Variants in CCDC88C observed in about 807,000 individuals in gnomAD.
CCDC88C encodes coiled-coil and HOOK domain protein 88C.
In CCDC88C, 131 loss-of-function variants were observed where a neutral mutation model predicts 198.8. The ratio of observed to expected loss-of-function variants is 0.66; its 90% CI spans 0.57 to 0.76. The LOEUF is 0.76. CCDC88C is among the 30% of genes least tolerant of loss of function. The probability of loss-of-function intolerance (pLI) is 0.00; values close to 1 mark genes in which losing one functional copy is unlikely to be tolerated. For missense variants in CCDC88C, 2,553 were observed against 2,631.6 expected, an observed-to-expected ratio of 0.97 and a Z score of 0.65; for synonymous variants, 1,166 against 1,114.7, an observed-to-expected ratio of 1.05 and a Z score of -0.92.
intron 2 of CCDC88C, among the ~76,000 whole-genome samples, chr14:91,412,426 T>C (rs1886836626): frequency 7.6e-6 from 1 of 132,142 alleles, no homozygotes; most frequent in Non-Finnish European, 1.6e-5. Context: ...TGAACATAGT[T>C]TGTGTATTTT....
chr14:91,328,464 C>T (rs1567079185), intron 10 of CCDC88C, among the ~76,000 whole-genome samples: 1 of 152,144 alleles, frequency 6.6e-6, no homozygotes, highest in East Asian at 1.9e-4. Flanking sequence ...AACGCCCCAC[C>T]GTGGCCCTGA....
chr14:91,300,169 G>A lies in CCDC88C; in HGVS notation c.3636-99C>T, dbSNP rs1040542103. 3 of 1,488,786 alleles carry A rather than the reference G, an allele frequency of 2.0e-6. No individual in the cohort carries two copies. In the African/African-American group the frequency reaches 4.2e-5, roughly 21 times the overall value. The allele number at this position is 1,488,786 out of a possible 1,614,324, so 92.2% of individuals were successfully genotyped here. A position where few individuals can be genotyped will look rare whatever the true frequency, so the allele number is the denominator to read the frequency against. On this transcript the variant is annotated intron_variant, in intron 20 of 29. Coordinates refer to ENST00000389857, the MANE Select transcript of CCDC88C (RefSeq NM_001080414.4). ...ATCTGCGTGCCTCCCGTGAGAAAAT[G>A]GGATTCCTCTGGAGAGTCTCTCTGC...
intron 3 of CCDC88C, among the ~76,000 whole-genome samples, chr14:91,370,028 A>C (rs577598728): frequency 4.1e-4 from 63 of 152,226 alleles, no homozygotes; most frequent in Non-Finnish European, 7.6e-4. Flanking sequence ...TGTTCACAGA[A>C]AGGAAAACAA....
Position 91,305,754 on chromosome 14 carries a change from G to T in CCDC88C, c.3357+11C>A, listed in dbSNP as rs754141922. On this transcript the variant is annotated intron_variant, in intron 19 of 29. Coordinates refer to ENST00000389857, the MANE Select transcript of CCDC88C (RefSeq NM_001080414.4). ...AGGCTTGTGACCACTGGTGTTGGGA[G>T]CCCCGCTCACCTGCAGCTTGGCGGT... The T allele has an allele frequency of 4.4e-6, 7 of 1,594,626 alleles. No individual in the cohort carries two copies. The highest frequency in any genetic ancestry group is 6.0e-6 in the Non-Finnish European group (7 of 1,163,944).
At chr14:91,349,289 A>G (rs1324846143) in intron 4 of CCDC88C, among the ~76,000 whole-genome samples, 2 of 152,242 alleles carry the variant, frequency 1.3e-5, no homozygotes, top group Non-Finnish European at 2.9e-5. Flanking sequence ...AGGACTCTAA[A>G]GGGAATAACC....
chr14:91,286,773 T>G (rs971500777), intron 25 of CCDC88C, among the ~76,000 whole-genome samples: 3 of 152,174 alleles, frequency 2.0e-5, no homozygotes, highest in South Asian at 2.1e-4. Flanking sequence ...TCCATGCAGT[T>G]AAGTGCATGC....
chr14:91,389,726 A>T (rs1489636177), intron 3 of CCDC88C, among the ~76,000 whole-genome samples: 31 of 79,566 alleles, frequency 3.9e-4, no homozygotes, highest in African/African-American at 1.6e-3. Context: ...TTTAAAAAAT[A>T]AAAAAAAAAA....
chr14:91,273,377 G>A lies in CCDC88C; in HGVS notation c.5335C>T (p.Leu1779=), dbSNP rs374865760. Residue 1779 remains leucine (L), a synonymous_variant, in exon 30 of 30, where the codon CTG becomes TTG. Coordinates refer to ENST00000389857, the MANE Select transcript of CCDC88C (RefSeq NM_001080414.4). The surrounding 1 kb of genome is among the most constrained non-coding windows in gnomAD (Gnocchi z 5.6). ...ACCGGAGCCTGCCGGGGTCTGCCCA[G>A]AGACAGGCTCTGGGGAGGCTGGGCC... ...RQAQPPQSLS[L]GRPRQAPVPP... 1.3e-4 allele frequency: 198 copies of A among 1,533,258 alleles called. 2 individuals are homozygous for A. In the African/African-American group the frequency reaches 2.2e-3, roughly 17 times the overall value. 95.0% of individuals were successfully genotyped at this position (1,533,258 alleles called of 1,614,324 possible).
chr14:91,373,370 G>A (rs1894919723), intron 3 of CCDC88C, among the ~76,000 whole-genome samples: 1 of 152,144 alleles, frequency 6.6e-6, no homozygotes, highest in African/African-American at 2.4e-5. Flanking sequence ...ATCTGCCTGG[G>A]GCCAAGCAGA....
At chr14:91,354,158 G>C (rs1893936299) in intron 4 of CCDC88C, among the ~76,000 whole-genome samples, 1 of 152,200 alleles carries the variant, frequency 6.6e-6, no homozygotes, top group African/African-American at 2.4e-5. Flanking sequence ...TCGGCCATGT[G>C]TAAGTCTGGA....
rs376285137 is a variant in CCDC88C at position 91,299,942 on chromosome 14, C to T, written c.3764G>A (p.Arg1255Gln). 14 of 1,589,072 alleles carry T rather than the reference C, an allele frequency of 8.8e-6. No individual in the cohort carries two copies. Among genetic ancestry groups the T allele is most frequent in the East Asian group, 2.3e-5 (1 of 44,258 alleles). The change falls in exon 21 of 30, where the codon CGG (arginine) becomes CAG (glutamine). Residue 1255 changes from arginine (R) to glutamine (Q), a missense_variant. Around this residue, in one of 2 missense-constraint regions of CCDC88C, gnomAD observed 1,293 missense variants for 1,219.6 expected, o/e 1.06. Transcript: ENST00000389857. ...CGGCGCTCACCTGTCCAGCTCGCCC[C>T]GCAGCCTCTGGTTCTCGCCCATGGC... is the stretch of plus-strand genomic sequence containing the variant. ...ALAMGENQRL[R>Q]GELDRVNFLH...
At chr14:91,409,490 C>CTTT (rs66484836) in intron 2 of CCDC88C, among the ~76,000 whole-genome samples, 1 of 140,378 alleles carries the variant, frequency 7.1e-6, no homozygotes, top group African/African-American at 2.7e-5. Context: ...CGGTACATTT[C>CTTT]TTTTTTTTTT....
chr14:91,279,703 CAT>C (rs1890119912), intron 27 of CCDC88C: 1 of 165,850 alleles, frequency 6.0e-6, no homozygotes. Context: ...TTCTGGAACA[CAT>C]GTGGACAGCC....
chr14:91,343,979 C>T (rs1255004488), intron 4 of CCDC88C, among the ~76,000 whole-genome samples: 3 of 152,210 alleles, frequency 2.0e-5, no homozygotes, highest in Non-Finnish European at 4.4e-5. Flanking sequence ...TACCACCATG[C>T]CCAGCTAATT....
At chr14:91,390,353 C>G (rs142360069) in intron 3 of CCDC88C, among the ~76,000 whole-genome samples, 1 of 152,336 alleles carries the variant, frequency 6.6e-6, no homozygotes, top group Non-Finnish European at 1.5e-5. Context: ...TTTGGCATCT[C>G]CACCTCGTTA....
chr14:91,289,006 C>A, intron 25 of CCDC88C, 99 bp downstream of exon 25: 1 of 960,824 alleles, frequency 1.0e-6, no homozygotes, highest in Non-Finnish European at 1.6e-6. Flanking sequence ...AGTCACCCAC[C>A]CCTGGCACGT....
At chr14:91,400,223 A>G (rs1231926451) in intron 3 of CCDC88C, among the ~76,000 whole-genome samples, 1 of 152,214 alleles carries the variant, frequency 6.6e-6, no homozygotes, top group Admixed American at 6.5e-5. Flanking sequence ...AAGAGCCGGT[A>G]ACCTGTCAAG....
intron 20 of CCDC88C, among the ~76,000 whole-genome samples, chr14:91,301,730 A>G (rs779039701): frequency 1.4e-4 from 22 of 152,214 alleles, no homozygotes; most frequent in Non-Finnish European, 2.5e-4. Context: ...ATAAAGAAAG[A>G]AGGAAAGAAT....
At chr14:91,276,099 C>A (rs1273423819) in intron 29 of CCDC88C, among the ~76,000 whole-genome samples, 1 of 152,116 alleles carries the variant, frequency 6.6e-6, no homozygotes, top group Non-Finnish European at 1.5e-5. Context: ...GGATTACAGG[C>A]GTGAGCCACC....
Sources: gnomAD v4.1 joint callset for allele counts (sites outside exome capture counted in the v4.1 genomes callset) on GRCh38, gnomAD v4.1.1 for gene constraint, gnomAD v4.1.1 regional missense constraint, Gnocchi (gnomAD v3.1) non-coding constraint, MANE v1.5 for transcripts, NCBI Gene and HGNC (gene_info 2026-07-23, HGNC 2026-07-21) for gene names.